Variants in CUX1 observed in about 807,000 individuals in gnomAD.
The protein encoded by CUX1 is cut like homeobox 1.
A neutral mutation model predicts 158.8 loss-of-function variants in CUX1; 31 were observed. The ratio of observed to expected loss-of-function variants is 0.20; its 90% confidence interval spans 0.15 to 0.26. The LOEUF (loss-of-function observed/expected upper bound fraction) is 0.26. Ranked by LOEUF, CUX1 falls within the 10% of genes least tolerant of loss-of-function variation. CUX1 has a pLI of 1.00. For missense variants in CUX1, 1,589 were observed against 2,014.6 expected, an observed-to-expected ratio of 0.79 and a Z score of 4.04; for synonymous variants, 879 against 862.1, an observed-to-expected ratio of 1.02 and a Z score of -0.34.
intron 3 of CUX1, among the ~76,000 whole-genome samples, chr7:102,047,526 T>G (rs1563173549): frequency 3.2e-5 from 4 of 124,994 alleles, no homozygotes; most frequent in African/African-American, 6.1e-5. Context: ...GAGGGAGAGA[T>G]GGATGGATGG....
chr7:102,086,840 A>C (rs1828000757), intron 4 of CUX1, among the ~76,000 whole-genome samples: 1 of 152,104 alleles, frequency 6.6e-6, no homozygotes, highest in African/African-American at 2.4e-5. Context: ...TATACCTTTA[A>C]GATTATTATA....
chr7:102,059,662 C>G (rs1266952466), intron 3 of CUX1, among the ~76,000 whole-genome samples: 3 of 151,536 alleles, frequency 2.0e-5, no homozygotes, highest in Non-Finnish European at 4.4e-5. Context: ...ATTTAAAACC[C>G]TCAAGATTTG....
intron 2 of CUX1, among the ~76,000 whole-genome samples, chr7:101,930,702 A>G (rs181817232): frequency 0.013 from 1,960 of 152,268 alleles, 43 homozygotes; most frequent in Non-Finnish European, 0.015. Flanking sequence ...TTAAAGGAGT[A>G]TATAATTGGA....
intron 1 of CUX1, among the ~76,000 whole-genome samples, chr7:101,882,661 G>A (rs910933437): frequency 5.9e-5 from 9 of 152,162 alleles, no homozygotes; most frequent in Non-Finnish European, 8.8e-5. Flanking sequence ...TAGATGCTCT[G>A]CACATAGTAG....
chr7:101,985,902 G>A (rs1814243997), intron 2 of CUX1, among the ~76,000 whole-genome samples: 2 of 152,210 alleles, frequency 1.3e-5, no homozygotes, highest in South Asian at 2.1e-4. Flanking sequence ...GTGCATTAAG[G>A]TTGCAGAAAT....
At position 102,257,972 on chromosome 7, in the gene CUX1, A is replaced by G. The variant is rs1790087253; in HGVS notation, c.*8930A>G. 2.0e-6 allele frequency: 2 copies of G among 979,542 alleles called. No homozygotes were observed. The highest frequency in any genetic ancestry group is 2.4e-6 in the Non-Finnish European group (2 of 829,132). The allele number at this position is 979,542 out of a possible 1,614,324, so 60.7% of individuals were successfully genotyped here. Reference sequence around the variant, plus strand: ...TGCTGTGTGACATCTCTCTGGTAACATTTTATTTCTTGCTATTTGTTTTTC... The same window carrying G: ...TGCTGTGTGACATCTCTCTGGTAACGTTTTATTTCTTGCTATTTGTTTTTC... On this transcript the variant is annotated 3_prime_UTR_variant, in exon 24 of 24. Transcript: ENST00000292535.
chr7:101,829,546 C>G (rs1793750297), intron 1 of CUX1, among the ~76,000 whole-genome samples: 1 of 152,134 alleles, frequency 6.6e-6, no homozygotes, highest in Non-Finnish European at 1.5e-5. Context: ...CCGACCTGCG[C>G]TGTTCCCTAG....
intron 2 of CUX1, among the ~76,000 whole-genome samples, chr7:101,996,407 C>T (rs1223192776): frequency 6.6e-6 from 1 of 152,018 alleles, no homozygotes; most frequent in African/African-American, 2.4e-5. Context: ...CAGCAGCCCA[C>T]GCCTGCAGGT....
intron 4 of CUX1, among the ~76,000 whole-genome samples, chr7:102,082,927 T>C (rs1554479297): frequency 6.8e-6 from 1 of 147,800 alleles, no homozygotes; most frequent in Non-Finnish European, 1.5e-5. Context: ...AGTTGTTACA[T>C]AGGTATATGT....
At chr7:102,100,480 C>G (rs1316932722) in intron 5 of CUX1, among the ~76,000 whole-genome samples, 9 of 152,186 alleles carry the variant, frequency 5.9e-5, no homozygotes, top group Admixed American at 5.9e-4. Flanking sequence ...TCAATAGTAC[C>G]TGCTACTTAT....
At chr7:102,206,089 AG>A (rs1795919630) in intron 20 of CUX1, among the ~76,000 whole-genome samples, 1 of 152,214 alleles carries the variant, frequency 6.6e-6, no homozygotes, top group Non-Finnish European at 1.5e-5. Flanking sequence ...GCTTGCCGCA[AG>A]CTCCACGAGG....
chr7:101,896,907 T>C (rs1342760301), intron 1 of CUX1, among the ~76,000 whole-genome samples: 1 of 152,176 alleles, frequency 6.6e-6, no homozygotes, highest in Non-Finnish European at 1.5e-5. Context: ...TTACGAGCAG[T>C]CAGTATTATC....
intron 1 of CUX1, among the ~76,000 whole-genome samples, chr7:101,862,705 A>T (rs557629485): frequency 6.6e-6 from 1 of 152,170 alleles, no homozygotes; most frequent in African/African-American, 2.4e-5. Context: ...AACACGTTTC[A>T]TCATCAGGCT....
Position 102,217,405 on chromosome 7 carries a change from C to T in CUX1, c.3131-9962C>T, listed in dbSNP as rs75941399. Among the ~76,000 whole-genome samples the T allele has an allele frequency of 2.6e-3, 389 of 152,364 alleles. 3 individuals carry two copies. Among genetic ancestry groups the T allele is most frequent in the African/African-American group, 9.0e-3 (373 of 41,590 alleles). ...CGCCCGCGGGTGAGCTCTGGTTCTG[C>T]GCAGGTTCCCGCCAACCACAGGGCC... is the stretch of plus-strand genomic sequence containing the variant. On this transcript the variant is annotated intron_variant, in intron 20 of 23. Coordinates refer to ENST00000292535, the MANE Select transcript of CUX1 (RefSeq NM_181552.4).
chr7:102,130,230 C>G (rs1291847449), intron 8 of CUX1, among the ~76,000 whole-genome samples: 1 of 152,248 alleles, frequency 6.6e-6, no homozygotes, highest in East Asian at 1.9e-4. Flanking sequence ...GCATCACTCC[C>G]GCACAGCCCG....
chr7:102,053,415 C>G (rs569629027), intron 3 of CUX1, among the ~76,000 whole-genome samples: 49 of 152,278 alleles, frequency 3.2e-4, no homozygotes, highest in Admixed American at 9.8e-4. Flanking sequence ...TATCCATCAC[C>G]TGAAGCATTT....
At chr7:101,944,993 G>C (rs150255833) in intron 2 of CUX1, among the ~76,000 whole-genome samples, 4 of 152,190 alleles carry the variant, frequency 2.6e-5, no homozygotes, top group Admixed American at 1.3e-4. Flanking sequence ...CAAATGCCAC[G>C]AGAGTGAGAA....
chr7:102,203,748 T>C (rs1554520368), intron 18 of CUX1, among the ~76,000 whole-genome samples: 1 of 152,084 alleles, frequency 6.6e-6, no homozygotes. Flanking sequence ...TTTGTGCCTA[T>C]ACATATGTAT....
rs781811601 is a variant in CUX1, at chr7:102,227,685, G to A, written c.3433+16G>A. The A allele has an allele frequency of 1.2e-5, 19 of 1,597,186 alleles. No homozygotes were observed. The highest frequency in any genetic ancestry group is 5.6e-5 in the South Asian group (5 of 89,400). On this transcript the variant is annotated intron_variant, in intron 21 of 23. Coordinates refer to ENST00000292535, the MANE Select transcript of CUX1 (RefSeq NM_181552.4). ...AACAACCTCGGTAGGTTCTCCTCTC[G>A]GCTGCTGAGTCAGGAGGTGGCAGGG...
Sources: allele counts gnomAD v4.1 joint callset (sites outside exome capture counted in the v4.1 genomes callset), GRCh38; gene constraint gnomAD v4.1.1; transcripts MANE v1.5; gene names NCBI Gene and HGNC (gene_info 2026-07-23, HGNC 2026-07-21).